The following GALM variants were observed in gnomAD, a reference collection of about 807,000 sequenced individuals.
GALM encodes aldose 1-epimerase.
A neutral mutation model predicts 37.4 loss-of-function variants in GALM; 43 were observed. The ratio of observed to expected loss-of-function variants is 1.15; its 90% CI spans 0.90 to 1.48. GALM has a LOEUF of 1.48. Ranked by LOEUF, GALM falls within the 40% of genes most tolerant of loss-of-function variation. The probability of loss-of-function intolerance (pLI) is 0.00; values close to 1 mark genes in which losing one functional copy is unlikely to be tolerated. For missense variants in GALM, 456 were observed against 419.1 expected (o/e 1.09, Z -0.77); for synonymous variants, 199 against 170.6 (o/e 1.17, Z -1.30).
chr2:38,671,932 G>T (rs560437226), intron 1 of GALM, among the ~76,000 whole-genome samples: 1 of 152,022 alleles, frequency 6.6e-6, no homozygotes, highest in Admixed American at 6.6e-5. Context: ...GCTGCAATGA[G>T]CCGTGATGGC....
intron 4 of GALM, among the ~76,000 whole-genome samples, chr2:38,720,204 C>T (rs1222435025): frequency 6.6e-6 from 1 of 151,930 alleles, no homozygotes; most frequent in African/African-American, 2.4e-5. Context: ...AGAGTGAGAC[C>T]TTGTCTCTAA....
chr2:38,695,325 A>G (rs756501319), intron 4 of GALM, among the ~76,000 whole-genome samples: 1 of 152,146 alleles, frequency 6.6e-6, no homozygotes, highest in Non-Finnish European at 1.5e-5. Context: ...TAAATAAATA[A>G]ATAAAGTTTC....
chr2:38,733,896 T>C lies in GALM; in HGVS notation c.*331T>C, dbSNP rs142088145. On this transcript the variant is annotated 3_prime_UTR_variant, in exon 7 of 7. Coordinates refer to ENST00000272252, the MANE Select transcript of GALM (RefSeq NM_138801.3). ...CACTGCCTCTTTCTTTTCAACTTTT[T>C]GCCCTTCCTTTCTTTAAAGCTATTC... 1.4e-4 allele frequency: 47 copies of C among 344,986 alleles called. No homozygotes were observed. The highest frequency in any genetic ancestry group is 9.3e-4 in the African/African-American group (44 of 47,450). 21.4% of individuals were successfully genotyped at this position (344,986 alleles called of 1,614,324 possible). A position where few individuals can be genotyped will look rare whatever the true frequency, so the allele number is the denominator to read the frequency against.
At chr2:38,718,101 T>A (rs1173165805) in intron 4 of GALM, among the ~76,000 whole-genome samples, 1 of 151,676 alleles carries the variant, frequency 6.6e-6, no homozygotes, top group African/African-American at 2.4e-5. Flanking sequence ...CCTCCCAGAG[T>A]GCTGAGATTA....
Position 38,681,492 on chromosome 2 carries a change from T to C in GALM, c.552+6T>C. 6.2e-7 allele frequency: 1 copy of C among 1,607,672 alleles called. No homozygotes were observed. The highest frequency in any genetic ancestry group is 8.5e-7 in the Non-Finnish European group (1 of 1,174,160). ...ACTTCAACCTGGCAGGCCAGGTAAG[T>C]GAACTTGTTTCTTCTTTCCTGCTTC... On this transcript the variant is annotated splice_donor_region_variant and intron_variant, in intron 3 of 6. Transcript: ENST00000272252.
At chr2:38,672,368 G>C (rs145617766) in intron 1 of GALM, among the ~76,000 whole-genome samples, 1 of 152,216 alleles carries the variant, frequency 6.6e-6, no homozygotes, top group Admixed American at 6.5e-5. Flanking sequence ...ACCAAGGAAA[G>C]ATTGTTTGGC....
intron 1 of GALM, among the ~76,000 whole-genome samples, chr2:38,675,482 A>G (rs67145759): frequency 0.32 from 45,828 of 143,022 alleles, 9,728 homozygotes; most frequent in African/African-American, 0.59. Flanking sequence ...GAAGAAGGTG[A>G]GGGACAGTGG....
intron 2 of GALM, among the ~76,000 whole-genome samples, chr2:38,678,311 C>G (rs1024211646): frequency 1.3e-5 from 2 of 151,954 alleles, no homozygotes; most frequent in African/African-American, 4.8e-5. Flanking sequence ...CACCCGGCCA[C>G]CAACACATTT....
intron 6 of GALM, 54 bp from the exon 7 acceptor site, chr2:38,733,434 T>A: frequency 6.9e-7 from 1 of 1,447,140 alleles, no homozygotes; most frequent in Non-Finnish European, 9.7e-7. Flanking sequence ...ACCCAAATGG[T>A]TAATGTTGCA....
chr2:38,733,691 G>T lies in GALM; in HGVS notation c.*126G>T. 2.6e-6 allele frequency: 2 copies of T among 766,748 alleles called. No individual in the cohort carries two copies. Among genetic ancestry groups the T allele is most frequent in the Non-Finnish European group, 4.6e-6 (2 of 433,734 alleles). 47.5% of individuals were successfully genotyped at this position (766,748 alleles called of 1,614,324 possible). Reference sequence around the variant, plus strand: ...GATTAAAATCATACAAATGGTGGCTGTTCTGAGAATCAGTCTGGGTATTGA... The same window carrying T: ...GATTAAAATCATACAAATGGTGGCTTTTCTGAGAATCAGTCTGGGTATTGA... On this transcript the variant is annotated 3_prime_UTR_variant, in exon 7 of 7. Coordinates refer to ENST00000272252, the MANE Select transcript of GALM (RefSeq NM_138801.3).
chr2:38,710,983 A>AC, intron 4 of GALM, among the ~76,000 whole-genome samples: 1 of 151,450 alleles, frequency 6.6e-6, no homozygotes, highest in South Asian at 2.1e-4. Flanking sequence ...TGAACTTCTG[A>AC]CTTTAGGCGA....
chr2:38,682,318 ATT>A (rs746755509), intron 3 of GALM: 1 of 440,882 alleles, frequency 2.3e-6, no homozygotes, highest in South Asian at 1.6e-5. Flanking sequence ...GATTATATCT[ATT>A]ACTTCCTCTT....
intron 4 of GALM, among the ~76,000 whole-genome samples, chr2:38,694,345 T>C (rs1665752602): frequency 6.6e-6 from 1 of 152,222 alleles, no homozygotes; most frequent in Non-Finnish European, 1.5e-5. Context: ...TTGCCAGCTG[T>C]CAATCCTCAG....
intron 3 of GALM, among the ~76,000 whole-genome samples, chr2:38,683,561 T>C (rs958927695): frequency 2.0e-5 from 3 of 152,124 alleles, no homozygotes; most frequent in Non-Finnish European, 4.4e-5. Flanking sequence ...TTTCAGATTT[T>C]AGATTGTCCT....
intron 4 of GALM, among the ~76,000 whole-genome samples, chr2:38,705,971 C>T (rs1468715682): frequency 6.6e-6 from 1 of 152,052 alleles, no homozygotes; most frequent in African/African-American, 2.4e-5. Context: ...CCTCAGCCTC[C>T]CGAGTAGCAG....
intron 4 of GALM, among the ~76,000 whole-genome samples, chr2:38,720,019 T>C (rs1341486010): frequency 6.6e-6 from 1 of 151,944 alleles, no homozygotes; most frequent in South Asian, 2.1e-4. Flanking sequence ...CTGGGCAAGA[T>C]GGTGAAACCC....
At chr2:38,712,830 G>A (rs1040504340) in intron 4 of GALM, among the ~76,000 whole-genome samples, 7 of 152,176 alleles carry the variant, frequency 4.6e-5, no homozygotes, top group African/African-American at 1.7e-4. Flanking sequence ...GGGGCGATGT[G>A]CAAGCAGGGG....
intron 2 of GALM, among the ~76,000 whole-genome samples, chr2:38,680,733 AATC>A (rs1166321853): frequency 6.6e-6 from 1 of 152,188 alleles, no homozygotes; most frequent in African/African-American, 2.4e-5. Flanking sequence ...ATCAAAGAAA[AATC>A]ATCAAAGAAG....
At chr2:38,682,857 T>C (rs1266895454) in intron 3 of GALM, among the ~76,000 whole-genome samples, 1 of 150,800 alleles carries the variant, frequency 6.6e-6, no homozygotes, top group Admixed American at 6.6e-5. Context: ...GACTGCGCCA[T>C]TGCACTCCAG....
Sources: gnomAD v4.1 joint callset for allele counts (sites outside exome capture counted in the v4.1 genomes callset) on GRCh38, gnomAD v4.1.1 for gene constraint, MANE v1.5 for transcripts, NCBI Gene and HGNC (gene_info 2026-07-23, HGNC 2026-07-21) for gene names.